GABRB3: variants seen among roughly 807,000 people sequenced by gnomAD.
GABRB3 encodes the protein gamma-aminobutyric acid receptor subunit beta-3.
GABRB3 carries 14 observed loss-of-function variants against 52.1 expected under a neutral mutation model. The observed-to-expected ratio is 0.27, with a 90% CI of 0.18 to 0.42. The LOEUF (loss-of-function observed/expected upper bound fraction) is 0.42, where lower values mean the gene tolerates loss of function less well. Among genes scored for constraint, GABRB3 ranks in the 10% least tolerant of loss-of-function variants. GABRB3 has a pLI of 1.00. For missense variants in GABRB3, 307 were observed against 609.1 expected (o/e 0.50, Z 5.22); for synonymous variants, 260 against 232.3 (o/e 1.12, Z -1.08).
chr15:26,754,228 A>G (rs1890594407), intron 3 of GABRB3, among the ~76,000 whole-genome samples: 2 of 152,168 alleles, frequency 1.3e-5, no homozygotes, highest in Admixed American at 1.3e-4. Context: ...GAAGAGTAAG[A>G]ATGGGAGAGA....
At chr15:26,772,301 G>A (rs1891170718) in intron 3 of GABRB3, 101 bp downstream of exon 3, 2 of 1,051,010 alleles carry the variant, frequency 1.9e-6, no homozygotes, top group Non-Finnish European at 2.8e-6. Flanking sequence ...GGGGAAACTC[G>A]GCCCCGGCCG....
intron 3 of GABRB3, among the ~76,000 whole-genome samples, chr15:26,733,914 C>T (rs1889996752): frequency 6.6e-6 from 1 of 151,914 alleles, no homozygotes; most frequent in African/African-American, 2.4e-5. Flanking sequence ...ACTGGATAAG[C>T]CAGATATCCA....
At chr15:26,568,682 T>G (rs1262254106) in intron 6 of GABRB3, among the ~76,000 whole-genome samples, 17 of 99,062 alleles carry the variant, frequency 1.7e-4, no homozygotes, top group African/African-American at 4.3e-4. Flanking sequence ...TTTTTTTTTT[T>G]GGTTTTGTAT....
At chr15:26,600,284 T>C (rs534461857) in intron 4 of GABRB3, among the ~76,000 whole-genome samples, 1 of 152,006 alleles carries the variant, frequency 6.6e-6, no homozygotes, top group Admixed American at 6.5e-5. Context: ...ATAATAGGAT[T>C]TGCAGAAGTA....
At chr15:26,617,671 T>C (rs1189923407) in intron 4 of GABRB3, among the ~76,000 whole-genome samples, 4 of 151,596 alleles carry the variant, frequency 2.6e-5, no homozygotes, top group African/African-American at 7.3e-5. Context: ...CCAGGGCAAT[T>C]AGGCAGGAGA....
At chr15:26,559,900 C>G (rs1291251644) in intron 8 of GABRB3, among the ~76,000 whole-genome samples, 1 of 152,222 alleles carries the variant, frequency 6.6e-6, no homozygotes, top group East Asian at 1.9e-4. Flanking sequence ...AAGAGCACTG[C>G]TCCTGCCTTG....
chr15:26,767,252 AGGGAAAC>A (rs143777052), intron 3 of GABRB3: 3,529 of 152,350 alleles, frequency 0.023, 122 homozygotes, highest in African/African-American at 0.082. Context: ...CAACTGGGTC[AGGGAAAC>A]GCTTCCTTTC....
chr15:26,565,177 A>ATGATGG (rs1434388407), intron 7 of GABRB3, among the ~76,000 whole-genome samples: 3 of 151,968 alleles, frequency 2.0e-5, no homozygotes, highest in African/African-American at 7.3e-5. Context: ...ATTGATGATG[A>ATGATGG]TGATGATGAT....
At chr15:26,561,284 G>T in intron 7 of GABRB3, 108 bp from the exon 8 acceptor site, 2 of 1,488,192 alleles carry the variant, frequency 1.3e-6, no homozygotes, top group South Asian at 1.1e-5. Context: ...CAGAGATAAG[G>T]GGTTGAATAC....
At chr15:26,596,800 T>C (rs1891410687) in intron 4 of GABRB3, among the ~76,000 whole-genome samples, 2 of 152,228 alleles carry the variant, frequency 1.3e-5, no homozygotes, top group African/African-American at 2.4e-5. Flanking sequence ...GTTCATTTTC[T>C]GTTGCTTGTA....
intron 3 of GABRB3, among the ~76,000 whole-genome samples, chr15:26,764,817 C>T (rs1348524519): frequency 2.0e-5 from 3 of 152,112 alleles, no homozygotes; most frequent in Admixed American, 2.0e-4. Context: ...GAAGACATAG[C>T]CCAAAGAATC....
At chr15:26,685,277 A>G (rs1660701288) in intron 3 of GABRB3, among the ~76,000 whole-genome samples, 1 of 152,192 alleles carries the variant, frequency 6.6e-6, no homozygotes, top group Non-Finnish European at 1.5e-5. Flanking sequence ...CTTACAGGGG[A>G]GCCAACTAAG....
chr15:26,572,244 T>C (rs928497129), intron 6 of GABRB3, among the ~76,000 whole-genome samples: 6 of 152,188 alleles, frequency 3.9e-5, no homozygotes, highest in African/African-American at 1.4e-4. Context: ...CATTCAGAAC[T>C]GGCCTCCATA....
chr15:26,590,619 T>C (rs555417472), intron 4 of GABRB3, among the ~76,000 whole-genome samples: 2 of 152,366 alleles, frequency 1.3e-5, no homozygotes, highest in South Asian at 2.1e-4. Flanking sequence ...TCACAGGACA[T>C]AGGCCAATGT....
intron 4 of GABRB3, among the ~76,000 whole-genome samples, chr15:26,619,736 T>C (rs1250745274): frequency 1.3e-5 from 2 of 152,170 alleles, no homozygotes; most frequent in Admixed American, 1.3e-4. Flanking sequence ...TGAAATAGCA[T>C]GTTTTGTTTA....
chr15:26,701,920 T>C (rs555224112), intron 3 of GABRB3, among the ~76,000 whole-genome samples: 157 of 152,294 alleles, frequency 1.0e-3, no homozygotes, highest in South Asian at 2.1e-3. Context: ...TGTCCAGAAA[T>C]AGACTGAAAC....
Position 26,589,973 on chromosome 15 carries a change from C to G in GABRB3, c.462-6559G>C, listed in dbSNP as rs1595464228. ...GTCAGCGGGGACACATTCCCGCTAA[C>G]AAGCACTCCCAGCATGAGTCCTGGC... is the stretch of plus-strand genomic sequence containing the variant. On this transcript the variant is annotated intron_variant, in intron 4 of 8. Coordinates refer to ENST00000311550, the MANE Select transcript of GABRB3 (RefSeq NM_000814.6). Among the ~76,000 whole-genome samples the G allele has an allele frequency of 4.6e-5, 7 of 152,304 alleles. No individual in the cohort carries two copies. In the South Asian group the frequency reaches 1.5e-3, roughly 32 times the overall value.
intron 5 of GABRB3, 104 bp downstream of exon 5, chr15:26,583,228 T>C: frequency 2.3e-6 from 2 of 878,826 alleles, no homozygotes; most frequent in Non-Finnish European, 3.8e-6. Context: ...CCCCTCTTTC[T>C]ATGTCAAAAA....
chr15:26,604,814 TA>T (rs1331307852), intron 4 of GABRB3, among the ~76,000 whole-genome samples: 6 of 152,004 alleles, frequency 3.9e-5, no homozygotes, highest in Non-Finnish European at 2.9e-5. Flanking sequence ...ATGAAACTGC[TA>T]AAGGACAACA....
Sources: allele counts gnomAD v4.1 joint callset (sites outside exome capture counted in the v4.1 genomes callset), GRCh38; gene constraint gnomAD v4.1.1; transcripts MANE v1.5; gene names NCBI Gene and HGNC (gene_info 2026-07-23, HGNC 2026-07-21).